RALGAPB: variants seen among roughly 807,000 people sequenced by gnomAD.
RALGAPB encodes ral GTPase-activating protein subunit beta.
In RALGAPB, 25 loss-of-function variants were observed where a neutral mutation model predicts 161.1. The observed-to-expected ratio is 0.16, with a 90% CI of 0.11 to 0.22. The LOEUF (loss-of-function observed/expected upper bound fraction) is 0.22, where lower values mean the gene tolerates loss of function less well. Ranked by LOEUF, RALGAPB falls within the 10% of genes least tolerant of loss-of-function variation. The probability of loss-of-function intolerance (pLI) is 1.00; values close to 1 mark genes in which losing one functional copy is unlikely to be tolerated. For synonymous variants in RALGAPB, 629 were observed against 626.1 expected (o/e 1.00, Z -0.07); for missense variants, 1,391 against 1,815.2 (o/e 0.77, Z 4.25).
At chr20:38,489,630 G>T (rs546792417) in intron 2 of RALGAPB, among the ~76,000 whole-genome samples, 74 of 152,294 alleles carry the variant, frequency 4.9e-4, no homozygotes, top group African/African-American at 1.7e-3. Context: ...CAGACTTCAT[G>T]TTTAGCAAAA....
chr20:38,509,661 C>G (rs545437513), intron 6 of RALGAPB, among the ~76,000 whole-genome samples: 3 of 152,138 alleles, frequency 2.0e-5, no homozygotes, highest in Admixed American at 2.0e-4. Context: ...GGGTATACTG[C>G]TACTTCCTGC....
chr20:38,479,085 C>T (rs558753460), intron 1 of RALGAPB, among the ~76,000 whole-genome samples: 4 of 152,158 alleles, frequency 2.6e-5, no homozygotes, highest in South Asian at 2.1e-4. Context: ...ATGCTGCTGT[C>T]GTAACTCATC....
At chr20:38,473,611 G>A (rs1159904956) in intron 1 of RALGAPB, among the ~76,000 whole-genome samples, 1 of 152,146 alleles carries the variant, frequency 6.6e-6, no homozygotes, top group Non-Finnish European at 1.5e-5. Flanking sequence ...TTTTACTGAC[G>A]AGGCAACTGA....
At chr20:38,490,833 T>C in intron 2 of RALGAPB, among the ~76,000 whole-genome samples, 1 of 150,798 alleles carries the variant, frequency 6.6e-6, no homozygotes, top group Non-Finnish European at 1.5e-5. Flanking sequence ...TTGGCAGAGA[T>C]GGGGTTTTGC....
chr20:38,508,557 T>C (rs950364549), intron 5 of RALGAPB, among the ~76,000 whole-genome samples: 3 of 151,992 alleles, frequency 2.0e-5, no homozygotes, highest in African/African-American at 7.2e-5. Flanking sequence ...ATTTTAATAC[T>C]AATTATTTTA....
intron 16 of RALGAPB, chr20:38,538,259 T>C (rs2086866925): frequency 5.8e-6 from 1 of 171,742 alleles, no homozygotes; most frequent in African/African-American, 2.4e-5. Flanking sequence ...GCATTGATAC[T>C]GCCATCCACC....
At position 38,521,569 on chromosome 20, in the gene RALGAPB, A is replaced by G. The variant is rs762844396; in HGVS notation, c.1490A>G (p.Asn497Ser). The G allele has an allele frequency of 1.1e-5, 17 of 1,614,084 alleles. No homozygotes were observed. The highest frequency in any genetic ancestry group is 1.3e-5 in the Non-Finnish European group (15 of 1,180,040). Residue 497 changes from asparagine (N) to serine (S), a missense_variant, in exon 10 of 30, where the codon AAT becomes AGT. This residue lies in a region of RALGAPB where 946 missense variants were observed against 1,257.2 expected (regional missense o/e 0.75). Transcript: ENST00000262879. ...SQMSTDTMVS[N>S]PMFDASEFPD... ...ATGTCCACAGACACCATGGTTTCCAATCCTATGTTTGATGCAAGTGAATTT... is the reference window on the plus strand; with the variant it reads ...ATGTCCACAGACACCATGGTTTCCAGTCCTATGTTTGATGCAAGTGAATTT...
At chr20:38,566,008 C>T (rs1315704319) in intron 25 of RALGAPB, among the ~76,000 whole-genome samples, 5 of 152,098 alleles carry the variant, frequency 3.3e-5, no homozygotes, top group Admixed American at 2.0e-4. Flanking sequence ...TTTATTTTGC[C>T]CAGAACCTTT....
chr20:38,486,038 C>T (rs572760304), intron 1 of RALGAPB, among the ~76,000 whole-genome samples: 1 of 131,326 alleles, frequency 7.6e-6, no homozygotes, highest in East Asian at 2.4e-4. Flanking sequence ...GGCACCATCT[C>T]TGCTCACTGC....
intron 1 of RALGAPB, among the ~76,000 whole-genome samples, chr20:38,486,239 CTGGGATTACAGG>C (rs770742631): frequency 6.6e-6 from 1 of 152,100 alleles, no homozygotes; most frequent in African/African-American, 2.4e-5. Flanking sequence ...TCCCAAAGTG[CTGGGATTACAGG>C]TATGAGTCAC....
rs768332368 is a variant in RALGAPB at position 38,532,820 on chromosome 20, G to A, written c.2206G>A (p.Asp736Asn). Residue 736 changes from aspartate (D) to asparagine (N), a missense_variant, in exon 15 of 30, where the codon GAT becomes AAT. Around this residue, in one of 3 missense-constraint regions of RALGAPB, gnomAD observed 946 missense variants for 1,257.2 expected, o/e 0.75. Transcript: ENST00000262879. ...SGGSTEPTTP[D>N]SERPAQALLR... The stretch of plus-strand genomic sequence containing the variant: ...TGGAAGCACGGAGCCCACGACTCCC[G>A]ATAGTGAGAGACCTGCTCAAGCTCT... 1.2e-5 allele frequency: 20 copies of A among 1,614,066 alleles called. No individual in the cohort carries two copies. The highest frequency in any genetic ancestry group is 1.3e-5 in the Non-Finnish European group (15 of 1,180,028).
chr20:38,554,027 C>T lies in RALGAPB; in HGVS notation c.3323C>T (p.Ala1108Val). The change falls in exon 22 of 30, where the codon GCC becomes GTC. Residue 1108 changes from alanine (A) to valine (V), a missense_variant. Ala to Val is a moderately conservative substitution (Grantham distance 64, BLOSUM62 0). Around this residue, in one of 3 missense-constraint regions of RALGAPB, gnomAD observed 436 missense variants for 527.0 expected, o/e 0.83. Coordinates refer to ENST00000262879, the MANE Select transcript of RALGAPB (RefSeq NM_020336.4). ...PPPPAQEFQT[A>V]RLFLSHFGFL... Reference sequence around the variant, plus strand: ...CCTCCTGCCCAGGAATTCCAAACAGCCCGCCTTTTTCTCTCACACTTTGGA... The same window carrying T: ...CCTCCTGCCCAGGAATTCCAAACAGTCCGCCTTTTTCTCTCACACTTTGGA... 6.2e-7 allele frequency: 1 copy of T among 1,613,840 alleles called. No homozygotes were observed. The highest frequency in any genetic ancestry group is 8.5e-7 in the Non-Finnish European group (1 of 1,179,850).
chr20:38,535,195 T>C lies in RALGAPB; in HGVS notation c.2367T>C (p.Ser789=). The C allele has an allele frequency of 6.2e-7, 1 of 1,614,224 alleles. No individual in the cohort carries two copies. The highest frequency in any genetic ancestry group is 8.5e-7 in the Non-Finnish European group (1 of 1,180,038). ...CACTGGCAGCTCTAGAGCTCCTCTC[T>C]GGCCTTGCAAAGGTGAGGAAGACAG... The part of the protein sequence containing the change: ...SISLAALELL[S]GLAKVKVMVD... The change falls in exon 16 of 30, where the codon TCT becomes TCC. Residue 789 remains serine, a synonymous_variant. Coordinates refer to ENST00000262879, the MANE Select transcript of RALGAPB (RefSeq NM_020336.4).
intron 16 of RALGAPB, 113 bp downstream of exon 16, chr20:38,535,320 G>C: frequency 7.9e-7 from 1 of 1,264,666 alleles, no homozygotes; most frequent in Non-Finnish European, 1.1e-6. Flanking sequence ...CTCAAACATA[G>C]TTTATATTAT....
At chr20:38,516,462 G>A in intron 7 of RALGAPB, 92 bp downstream of exon 7, 1 of 1,191,242 alleles carries the variant, frequency 8.4e-7, no homozygotes, top group East Asian at 2.7e-5. Context: ...ACATCCGAAG[G>A]AAAAGATGAA....
intron 23 of RALGAPB, among the ~76,000 whole-genome samples, chr20:38,559,026 C>T (rs1489233462): frequency 6.6e-6 from 1 of 152,158 alleles, no homozygotes; most frequent in Non-Finnish European, 1.5e-5. Flanking sequence ...TGCTATGAAC[C>T]AGTTTGAAAA....
At chr20:38,475,184 A>G (rs750997720) in intron 1 of RALGAPB, among the ~76,000 whole-genome samples, 1 of 152,220 alleles carries the variant, frequency 6.6e-6, no homozygotes, top group African/African-American at 2.4e-5. Flanking sequence ...TCATTGTCCA[A>G]AAAAGTGTTT....
intron 6 of RALGAPB, among the ~76,000 whole-genome samples, chr20:38,511,159 C>G (rs2085936338): frequency 6.6e-6 from 1 of 152,000 alleles, no homozygotes; most frequent in African/African-American, 2.4e-5. Context: ...TACTCATATT[C>G]CATTAGCCAC....
At chr20:38,572,352 C>CT (rs755675235) in intron 28 of RALGAPB, among the ~76,000 whole-genome samples, 10 of 152,232 alleles carry the variant, frequency 6.6e-5, no homozygotes, top group Non-Finnish European at 1.2e-4. Flanking sequence ...GTTTATAACT[C>CT]TAAGAGTTCA....
Sources: allele counts gnomAD v4.1 joint callset (sites outside exome capture counted in the v4.1 genomes callset), GRCh38; gene constraint gnomAD v4.1.1; regional missense constraint gnomAD v4.1.1; transcripts MANE v1.5; gene names NCBI Gene and HGNC (gene_info 2026-07-23, HGNC 2026-07-21).